Variants in FGF13 observed in about 807,000 individuals in gnomAD.
FGF13 encodes the protein fibroblast growth factor 13, also known as fibroblast growth factor homologous factor 2.
In FGF13, 2 loss-of-function variants were observed where a neutral mutation model predicts 19.5. The ratio of observed to expected loss-of-function variants is 0.10; its 90% CI spans 0.04 to 0.32. The LOEUF is 0.32. Ranked by LOEUF, FGF13 falls within the 10% of genes least tolerant of loss-of-function variation. The probability of loss-of-function intolerance (pLI) is 1.00; values close to 1 mark genes in which losing one functional copy is unlikely to be tolerated. For synonymous variants in FGF13, 72 were observed against 76.9 expected (o/e 0.94, Z 0.33); for missense variants, 113 against 192.7 (o/e 0.59, Z 2.45).
chrX:138,956,924 A>G (rs1475574256), intron 1 of FGF13, among the ~76,000 whole-genome samples: 1 of 111,830 alleles, frequency 8.9e-6, no homozygotes, highest in African/African-American at 3.2e-5. Context: ...CATTTCTGGA[A>G]GAAGTGTTCA....
chrX:139,082,642 AG>A (rs1160315634), intron 1 of FGF13, among the ~76,000 whole-genome samples: 1 of 111,379 alleles, frequency 9.0e-6, no homozygotes, highest in Non-Finnish European at 1.9e-5. Context: ...ATCTAGGAAA[AG>A]TCAAGAAAGG....
intron 3 of FGF13, among the ~76,000 whole-genome samples, chrX:138,803,640 G>A (rs1039496227): frequency 1.8e-5 from 2 of 112,153 alleles, no homozygotes; most frequent in African/African-American, 6.5e-5. Flanking sequence ...CATGACATCT[G>A]AGCCCCAGAG....
chrX:138,715,262 A>G (rs1433624570), upstream of FGF13, among the ~76,000 whole-genome samples: 2 of 111,764 alleles, frequency 1.8e-5, no homozygotes, highest in African/African-American at 3.3e-5. Flanking sequence ...TTTTAATCCT[A>G]TCTCTGCCAC....
At chrX:139,164,305 T>C (rs1374418307) in intron 1 of FGF13, among the ~76,000 whole-genome samples, 1 of 110,700 alleles carries the variant, frequency 9.0e-6, no homozygotes, top group Admixed American at 9.7e-5. Flanking sequence ...TTTTTGCTAA[T>C]AAGGTTTCCA....
intron 1 of FGF13, among the ~76,000 whole-genome samples, chrX:138,970,816 G>T (rs767734503): frequency 9.0e-6 from 1 of 111,025 alleles, no homozygotes; most frequent in Non-Finnish European, 1.9e-5. Context: ...AATATGACAA[G>T]AAATAAAATG....
chrX:138,791,862 A>G (rs896492195), intron 3 of FGF13, among the ~76,000 whole-genome samples: 1 of 112,074 alleles, frequency 8.9e-6, no homozygotes, highest in Admixed American at 9.5e-5. Context: ...TTGACAGAAA[A>G]GACATTAGCT....
At chrX:138,723,446 T>G (rs2090161691) in intron 1 of FGF13, among the ~76,000 whole-genome samples, 1 of 111,410 alleles carries the variant, frequency 9.0e-6, no homozygotes, top group African/African-American at 3.3e-5. Flanking sequence ...CCATGGAGAT[T>G]TATATCAATG....
chrX:138,830,433 T>A (rs995321948), intron 3 of FGF13, among the ~76,000 whole-genome samples: 2 of 111,654 alleles, frequency 1.8e-5, no homozygotes, highest in Non-Finnish European at 3.8e-5. Flanking sequence ...TATATAATTT[T>A]AAAAAACTTG....
chrX:139,093,562 T>C lies in FGF13; in HGVS notation c.-113+109854A>G, dbSNP rs1208941539. On this transcript the variant is annotated intron_variant, in intron 1 of 2. Coordinates refer to the FGF13 transcript ENST00000421460. ...GCTCTAAACTTACTTCAGGATTTGG[T>C]CATCTATTATTCTGGATGTTAAAGG... Among the ~76,000 whole-genome samples, 8 of 111,906 alleles carry C rather than the reference T, an allele frequency of 7.1e-5. No individual in the cohort carries two copies. The Admixed American group carries it at 7.6e-4, about 11-fold the overall frequency.
intron 1 of FGF13, among the ~76,000 whole-genome samples, chrX:138,988,957 G>A (rs1387926631): frequency 9.0e-6 from 1 of 111,701 alleles, no homozygotes; most frequent in African/African-American, 3.3e-5. Flanking sequence ...AATTAAGAAT[G>A]ACTAAGTATT....
intron 1 of FGF13, among the ~76,000 whole-genome samples, chrX:138,928,157 C>T (rs1034378610): frequency 5.4e-5 from 6 of 110,445 alleles, no homozygotes; most frequent in African/African-American, 1.6e-4. Context: ...AAAAAGAATA[C>T]AATAAAATAC....
Position 139,177,238 on chromosome X carries a change from C to CTTTTTT in FGF13, c.-113+26172_-113+26177dup, listed in dbSNP as rs35867493. 1.2e-3 allele frequency among the ~76,000 whole-genome samples: 61 copies of CTTTTTT among 49,898 alleles called. 4 individuals carry two copies. The highest frequency in any genetic ancestry group is 3.6e-3 in the African/African-American group (32 of 8,937). 43.3% of individuals were successfully genotyped at this position (49,898 alleles called of 115,157 possible). On this transcript the variant is annotated intron_variant, in intron 1 of 2. Transcript: ENST00000421460. ...TCAGAGACTAGGATTGCAACCCCTG[C>CTTTTTT]TTTTTTTTTTTTTTTTTTTGCTTTC...
intron 1 of FGF13, among the ~76,000 whole-genome samples, chrX:139,007,401 G>A (rs1446624194): frequency 9.1e-6 from 1 of 110,289 alleles, no homozygotes; most frequent in Non-Finnish European, 1.9e-5. Flanking sequence ...ATAATAGCTG[G>A]GAGGCTTCAA....
intron 3 of FGF13, among the ~76,000 whole-genome samples, chrX:138,795,395 C>T (rs1007326566): frequency 8.9e-6 from 1 of 112,185 alleles, no homozygotes; most frequent in South Asian, 3.7e-4. Flanking sequence ...ATAAGTTATT[C>T]CTGTAAGTGA....
At chrX:139,066,791 C>T (rs1347098224) in intron 1 of FGF13, among the ~76,000 whole-genome samples, 1 of 110,546 alleles carries the variant, frequency 9.0e-6, no homozygotes, top group Non-Finnish European at 1.9e-5. Context: ...CCAGCATCAT[C>T]CTGATACCAA....
intron 1 of FGF13, among the ~76,000 whole-genome samples, chrX:138,879,615 C>T (rs975780157): frequency 1.8e-5 from 2 of 111,359 alleles, no homozygotes; most frequent in South Asian, 3.8e-4. Context: ...CCCATCAACC[C>T]GTCATCTACA....
chrX:138,739,335 A>T, exon 1 of FGF13: 1 of 1,147,221 alleles, frequency 8.7e-7, no homozygotes, highest in South Asian at 2.0e-5. Flanking sequence ...ACAGAGAGAG[A>T]GGAGATCAGA....
intron 1 of FGF13, among the ~76,000 whole-genome samples, chrX:139,192,693 G>T (rs2084341289): frequency 9.0e-6 from 1 of 111,438 alleles, no homozygotes; most frequent in Admixed American, 9.5e-5. Flanking sequence ...TAGACGTGAT[G>T]CTGATGCCCA....
chrX:138,659,875 A>C (rs905304949), intron 3 of FGF13, among the ~76,000 whole-genome samples: 2 of 110,988 alleles, frequency 1.8e-5, no homozygotes, highest in African/African-American at 6.6e-5. Context: ...ACATGGACAC[A>C]GGCAGGGGAA....
Sources: gnomAD v4.1 joint callset for allele counts (sites outside exome capture counted in the v4.1 genomes callset) on GRCh38, gnomAD v4.1.1 for gene constraint, MANE v1.5 for transcripts, NCBI Gene and HGNC (gene_info 2026-07-23, HGNC 2026-07-21) for gene names.